PPIL4: variants seen among roughly 807,000 people sequenced by gnomAD.
PPIL4 encodes the protein peptidylprolyl isomerase like 4, also known as peptidyl-prolyl cis-trans isomerase-like 4.
Under a neutral mutation model 69.1 loss-of-function variants are expected in PPIL4, and 50 were observed. The ratio of observed to expected loss-of-function variants is 0.72; its 90% CI spans 0.58 to 0.92. The LOEUF (loss-of-function observed/expected upper bound fraction) is 0.92. Ranked by LOEUF, PPIL4 falls within the 40% of genes least tolerant of loss-of-function variation. PPIL4 has a pLI of 0.00. For missense variants in PPIL4, 480 were observed against 587.9 expected (o/e 0.82, Z 1.90); for synonymous variants, 193 against 191.6 (o/e 1.01, Z -0.06).
intron 7 of PPIL4, among the ~76,000 whole-genome samples, chr6:149,529,995 G>C (rs1247907442): frequency 1.3e-5 from 2 of 152,076 alleles, no homozygotes; most frequent in African/African-American, 2.4e-5. Flanking sequence ...GTGGGTGTTG[G>C]GGGTGGGGAT....
intron 7 of PPIL4, 109 bp downstream of exon 7, chr6:149,533,349 C>T: frequency 1.5e-6 from 1 of 649,866 alleles, no homozygotes; most frequent in Non-Finnish European, 2.6e-6. Flanking sequence ...AGAAAAAAAT[C>T]ATAACTCAAT....
intron 4 of PPIL4, among the ~76,000 whole-genome samples, chr6:149,538,629 A>C (rs1371693503): frequency 6.6e-6 from 1 of 152,228 alleles, no homozygotes; most frequent in Non-Finnish European, 1.5e-5. Flanking sequence ...AAATATCAAC[A>C]TTAACAGAAG....
intron 4 of PPIL4, among the ~76,000 whole-genome samples, chr6:149,536,484 T>C (rs1777277329): frequency 6.6e-6 from 1 of 152,238 alleles, no homozygotes; most frequent in Non-Finnish European, 1.5e-5. Flanking sequence ...TTAGAAGTGC[T>C]ATTCCAGTGA....
intron 12 of PPIL4, among the ~76,000 whole-genome samples, chr6:149,511,538 G>C (rs113364571): frequency 0.027 from 4,083 of 152,162 alleles, 159 homozygotes; most frequent in African/African-American, 0.092. Context: ...GCCTCCCAAA[G>C]TGCTAGGATT....
At chr6:149,513,205 G>A (rs1481202162) in intron 11 of PPIL4, among the ~76,000 whole-genome samples, 1 of 146,936 alleles carries the variant, frequency 6.8e-6, no homozygotes, top group Non-Finnish European at 1.5e-5. Flanking sequence ...GGCCAATATG[G>A]TGAAACCCCA....
intron 4 of PPIL4, among the ~76,000 whole-genome samples, chr6:149,537,311 T>C (rs1777293031): frequency 6.6e-6 from 1 of 152,136 alleles, no homozygotes; most frequent in African/African-American, 2.4e-5. Context: ...CTTCAAAGCT[T>C]CAAAGACAAG....
At chr6:149,525,249 A>G in intron 8 of PPIL4, 40 bp from the exon 9 acceptor site, 4 of 1,112,662 alleles carry the variant, frequency 3.6e-6, no homozygotes, top group Non-Finnish European at 5.3e-6. Flanking sequence ...AAAAAAAAAA[A>G]AGGAAGAAAG....
chr6:149,521,153 C>T lies in PPIL4; in HGVS notation c.889G>A (p.Ala297Thr), dbSNP rs1313499292. The change falls in exon 10 of 13, where the codon GCA becomes ACA. Residue 297 changes from alanine to threonine, a missense_variant. Coordinates refer to ENST00000253329, the MANE Select transcript of PPIL4 (RefSeq NM_139126.4). Reference protein sequence around the residue: ...EFEKEEDCEKAFFKMDNVLID... With the variant: ...EFEKEEDCEKTFFKMDNVLID... Reference sequence around the variant, plus strand: ...AGCACATTGTCCATTTTGAAGAATGCTTTCTCACAATCTTCTTCCTGATAA... The same window carrying T: ...AGCACATTGTCCATTTTGAAGAATGTTTTCTCACAATCTTCTTCCTGATAA... The T allele has an allele frequency of 3.8e-6, 6 of 1,576,184 alleles. No homozygotes were observed. The highest frequency in any genetic ancestry group is 4.3e-6 in the Non-Finnish European group (5 of 1,151,424).
At chr6:149,514,620 C>T (rs1202168838) in intron 11 of PPIL4, among the ~76,000 whole-genome samples, 4 of 151,944 alleles carry the variant, frequency 2.6e-5, no homozygotes, top group Middle Eastern at 3.4e-3. Context: ...CTGCGCCTGG[C>T]TCAGAGCAAT....
intron 12 of PPIL4, among the ~76,000 whole-genome samples, chr6:149,510,481 C>G (rs1352462900): frequency 6.6e-6 from 1 of 152,136 alleles, no homozygotes; most frequent in South Asian, 2.1e-4. Flanking sequence ...CGGTGGCTCA[C>G]GCCTATAATC....
intron 9 of PPIL4, among the ~76,000 whole-genome samples, chr6:149,524,545 C>T (rs370994964): frequency 1.6e-4 from 24 of 152,182 alleles, no homozygotes; most frequent in African/African-American, 5.8e-4. Flanking sequence ...TCAACTTTAT[C>T]TCCACTTAAG....
rs145495803 is a variant in PPIL4 at position 149,531,567 on chromosome 6, T to G, written c.678+1891A>C. ...AAAGGAAAATATTCTACAAAATAAA[T>G]GCAACAGATGATAAGTCACGAGCTG... On this transcript the variant is annotated intron_variant, in intron 7 of 12. Coordinates refer to ENST00000253329, the MANE Select transcript of PPIL4 (RefSeq NM_139126.4). Among the ~76,000 whole-genome samples, 48 of 150,774 alleles carry G rather than the reference T, an allele frequency of 3.2e-4. No individual in the cohort carries two copies. The East Asian group carries it at 9.2e-3, about 29-fold the overall frequency.
chr6:149,517,287 T>G, intron 11 of PPIL4, 67 bp downstream of exon 11: 1 of 866,006 alleles, frequency 1.2e-6, no homozygotes. Flanking sequence ...TCATAACACA[T>G]CACACAGTAC....
intron 4 of PPIL4, 126 bp from the exon 5 acceptor site, chr6:149,535,864 A>T: frequency 1.6e-6 from 1 of 607,564 alleles, no homozygotes; most frequent in Non-Finnish European, 2.8e-6. Flanking sequence ...ATTCTTAGAC[A>T]CTTGTTACCA....
In PPIL4 at chr6:149,521,072, A is replaced by G. The variant is rs112066569; in HGVS notation, c.970T>C (p.Trp324Arg). 1.3e-6 allele frequency: 2 copies of G among 1,572,020 alleles called. No individual in the cohort carries two copies. The highest frequency in any genetic ancestry group is 2.2e-5 in the East Asian group (1 of 44,654). Residue 324 changes from tryptophan to arginine, a missense_variant, in exon 10 of 13, where the codon TGG becomes CGG. By Grantham distance (101) the Trp-to-Arg change is moderately radical. Coordinates refer to ENST00000253329, the MANE Select transcript of PPIL4 (RefSeq NM_139126.4). Reference protein sequence around the residue: ...DFSQSVAKVKWKGKGGKYTKS... With the variant: ...DFSQSVAKVKRKGKGGKYTKS... ...TAAACCATCATACCTTTTCCTTTCCATTTAACCTTTGCAACCGACTGGCTA... is the reference window on the plus strand; with the variant it reads ...TAAACCATCATACCTTTTCCTTTCCGTTTAACCTTTGCAACCGACTGGCTA...
At chr6:149,539,137 GC>G (rs1777323523) in intron 4 of PPIL4, among the ~76,000 whole-genome samples, 2 of 152,196 alleles carry the variant, frequency 1.3e-5, no homozygotes, top group Admixed American at 6.5e-5. Flanking sequence ...ATGAGCCACT[GC>G]ACCCAGCCAA....
intron 4 of PPIL4, among the ~76,000 whole-genome samples, chr6:149,540,165 T>A (rs1238949305): frequency 6.6e-6 from 1 of 151,930 alleles, no homozygotes; most frequent in Non-Finnish European, 1.5e-5. Context: ...AACAAAATAC[T>A]TAGACAAGCC....
At chr6:149,520,279 T>C (rs1213413537) in intron 10 of PPIL4, among the ~76,000 whole-genome samples, 2 of 152,106 alleles carry the variant, frequency 1.3e-5, no homozygotes, top group Admixed American at 1.3e-4. Context: ...TTAGTACCAA[T>C]AGGTGATAAT....
chr6:149,521,307 T>C, intron 9 of PPIL4, 136 bp from the exon 10 acceptor site: 1 of 619,430 alleles, frequency 1.6e-6, no homozygotes, highest in Non-Finnish European at 2.8e-6. Context: ...TGCTGTTAAA[T>C]GCTTTGTATC....
Sources: gnomAD v4.1 joint callset for allele counts (sites outside exome capture counted in the v4.1 genomes callset) on GRCh38, gnomAD v4.1.1 for gene constraint, MANE v1.5 for transcripts, NCBI Gene and HGNC (gene_info 2026-07-23, HGNC 2026-07-21) for gene names.